Variants in PUDP observed in about 807,000 individuals in gnomAD.
The protein encoded by PUDP is pseudouridine 5'-phosphatase.
Under a neutral mutation model 9.4 loss-of-function variants are expected in PUDP, and 8 were observed. That is an observed-to-expected ratio of 0.85 (90% CI 0.50 to 1.53). The LOEUF (loss-of-function observed/expected upper bound fraction) is 1.53. Ranked by LOEUF, PUDP falls within the 40% of genes most tolerant of loss-of-function variation. The pLI is 0.00. For synonymous variants in PUDP, 99 were observed against 80.7 expected, an observed-to-expected ratio of 1.23 and a Z score of -1.22; for missense variants, 188 against 189.7, an observed-to-expected ratio of 0.99 and a Z score of 0.05.
At chrX:6,809,786 A>T (rs1010357509) in intron 3 of PUDP, among the ~76,000 whole-genome samples, 3 of 111,755 alleles carry the variant, frequency 2.7e-5, no homozygotes, top group African/African-American at 9.7e-5. Flanking sequence ...TATGCAAGTG[A>T]TCAGGCACAG....
At chrX:6,854,985 T>C (rs1321552703) in intron 3 of PUDP, among the ~76,000 whole-genome samples, 1 of 111,731 alleles carries the variant, frequency 9.0e-6, no homozygotes, top group Non-Finnish European at 1.9e-5. Flanking sequence ...TGGTATAATT[T>C]CATGAGACTT....
chrX:6,884,773 A>G (rs904344965), intron 3 of PUDP, among the ~76,000 whole-genome samples: 3 of 112,681 alleles, frequency 2.7e-5, no homozygotes, highest in African/African-American at 9.7e-5. Flanking sequence ...GCAACTTCCT[A>G]TCACTGCAGA....
rs185064867 is a variant in PUDP, at chrX:6,803,735, G to A, written c.*248-97269C>T. 1.3e-4 allele frequency among the ~76,000 whole-genome samples: 14 copies of A among 111,948 alleles called. No homozygotes were observed. The East Asian group carries it at 4.0e-3, about 32-fold the overall frequency. Reference sequence around the variant, plus strand: ...GCACAATCCTATTTTACACCACTGAGGAATTTACAACACTGAAAGATAAGA... The same window carrying A: ...GCACAATCCTATTTTACACCACTGAAGAATTTACAACACTGAAAGATAAGA... On this transcript the variant is annotated intron_variant and NMD_transcript_variant, in intron 3 of 3. Transcript: ENST00000655425.
At chrX:6,894,575 C>T (rs768519116) in intron 3 of PUDP, among the ~76,000 whole-genome samples, 59 of 112,156 alleles carry the variant, frequency 5.3e-4, no homozygotes, top group Non-Finnish European at 2.4e-4. Context: ...ACAAGTCTGA[C>T]ATCAGCTCCA....
intron 3 of PUDP, among the ~76,000 whole-genome samples, chrX:7,053,305 T>C (rs764771820): frequency 2.3e-3 from 253 of 111,320 alleles, no homozygotes; most frequent in African/African-American, 8.2e-3. Flanking sequence ...CTGTGGCTGT[T>C]CCCAAAGAGA....
intron 3 of PUDP, among the ~76,000 whole-genome samples, chrX:6,899,814 T>A (rs759720196): frequency 2.5e-4 from 28 of 111,184 alleles, no homozygotes; most frequent in Non-Finnish European, 4.7e-4. Context: ...CTATATCAGA[T>A]GGAAATGCCC....
chrX:6,827,235 G>A (rs943654400), intron 3 of PUDP, among the ~76,000 whole-genome samples: 1 of 111,739 alleles, frequency 8.9e-6, no homozygotes, highest in South Asian at 3.8e-4. Flanking sequence ...AGGTGTTACC[G>A]GTGGAGGGTG....
intron 1 of PUDP, among the ~76,000 whole-genome samples, chrX:7,106,164 C>T (rs1025779899): frequency 8.9e-6 from 1 of 112,515 alleles, no homozygotes; most frequent in Non-Finnish European, 1.9e-5. Context: ...CAATTCCATT[C>T]GATAGCACAA....
chrX:6,886,844 C>T (rs887431982), intron 3 of PUDP, among the ~76,000 whole-genome samples: 4 of 110,292 alleles, frequency 3.6e-5, no homozygotes, highest in African/African-American at 1.3e-4. Context: ...TTTTAAGAAA[C>T]AGCCTTGCAT....
chrX:6,842,853 G>A (rs963113289), intron 3 of PUDP, among the ~76,000 whole-genome samples: 1 of 112,034 alleles, frequency 8.9e-6, no homozygotes, highest in East Asian at 2.8e-4. Flanking sequence ...CATTGGCTTC[G>A]GACCATCAAT....
chrX:6,722,442 C>CA (rs771530051), upstream of PUDP, among the ~76,000 whole-genome samples: 19,907 of 92,428 alleles, frequency 0.22, 2,651 homozygotes, highest in African/African-American at 0.46. Context: ...GAGACTGTCT[C>CA]AAAAAAAAAA....
chrX:6,956,300 C>G (rs766163370), intron 3 of PUDP, among the ~76,000 whole-genome samples: 2 of 110,956 alleles, frequency 1.8e-5, no homozygotes, highest in East Asian at 5.6e-4. Flanking sequence ...GCTAGGATTA[C>G]AGCATGAGCC....
intron 1 of PUDP, among the ~76,000 whole-genome samples, chrX:7,138,610 C>T (rs1932770770): frequency 9.0e-6 from 1 of 111,275 alleles, no homozygotes; most frequent in African/African-American, 3.3e-5. Flanking sequence ...TGGCCTCAAG[C>T]GATCGACTTG....
intron 3 of PUDP, among the ~76,000 whole-genome samples, chrX:6,833,854 C>T (rs1219761118): frequency 8.9e-6 from 1 of 111,748 alleles, no homozygotes; most frequent in Non-Finnish European, 1.9e-5. Flanking sequence ...TGAGCCTGAC[C>T]CATAAGAGTT....
chrX:6,928,799 G>A (rs1928145349), intron 3 of PUDP, among the ~76,000 whole-genome samples: 1 of 111,260 alleles, frequency 9.0e-6, no homozygotes, highest in Non-Finnish European at 1.9e-5. Context: ...TAGTGAGGCT[G>A]AGGTAGGAGG....
intron 1 of PUDP, among the ~76,000 whole-genome samples, chrX:7,136,712 C>G (rs1431536693): frequency 1.9e-5 from 2 of 103,443 alleles, no homozygotes; most frequent in Non-Finnish European, 4.0e-5. Context: ...CCCCCCAACC[C>G]CGCCCACTGC....
At chrX:7,069,523 G>A (rs919846584) in intron 3 of PUDP, among the ~76,000 whole-genome samples, 41 of 110,530 alleles carry the variant, frequency 3.7e-4, no homozygotes, top group African/African-American at 1.2e-3. Context: ...CTGGGTGCTG[G>A]GCATTCAGAG....
intron 2 of PUDP, among the ~76,000 whole-genome samples, chrX:6,977,895 G>T: frequency 8.9e-6 from 1 of 112,569 alleles, no homozygotes; most frequent in South Asian, 3.7e-4. Context: ...TTGCCAGGAA[G>T]ATGTTCAAGA....
chrX:6,713,835 G>C (rs150770195), intron 1 of PUDP, among the ~76,000 whole-genome samples: 1,560 of 110,753 alleles, frequency 0.014, 20 homozygotes, highest in African/African-American at 0.049. Context: ...AGCTTAAGAG[G>C]GAACAGGTCC....
Sources: allele counts gnomAD v4.1 joint callset (sites outside exome capture counted in the v4.1 genomes callset), GRCh38; gene constraint gnomAD v4.1.1; transcripts MANE v1.5; gene names NCBI Gene and HGNC (gene_info 2026-07-23, HGNC 2026-07-21).